STAT5B: variants seen among roughly 807,000 people sequenced by gnomAD.
STAT5B encodes the protein transcription factor STAT5B.
STAT5B carries 21 observed loss-of-function variants against 107.8 expected under a neutral mutation model. That is an observed-to-expected ratio of 0.19 (90% CI 0.14 to 0.28). The LOEUF (loss-of-function observed/expected upper bound fraction) is 0.28, where lower values mean the gene tolerates loss of function less well. Ranked by LOEUF, STAT5B falls within the 10% of genes least tolerant of loss-of-function variation. The pLI is 1.00. For synonymous variants in STAT5B, 325 were observed against 401.7 expected (o/e 0.81, Z 2.28); for missense variants, 565 against 1,008.2 (o/e 0.56, Z 5.95).
intron 16 of STAT5B, among the ~76,000 whole-genome samples, chr17:42,204,096 C>T (rs1264570644): frequency 1.3e-5 from 2 of 152,198 alleles, no homozygotes; most frequent in East Asian, 1.9e-4. Context: ...CTGCACGCTC[C>T]TTCACGCCTG....
chr17:42,227,033 G>A (rs1348511210), intron 3 of STAT5B, among the ~76,000 whole-genome samples: 1 of 150,420 alleles, frequency 6.6e-6, no homozygotes, highest in African/African-American at 2.4e-5. Flanking sequence ...TACTTGAGAG[G>A]CTGAGGCAGA....
rs1274666221 is a variant in STAT5B at position 42,224,814 on chromosome 17, A to G, written c.340T>C (p.Tyr114His). 6.2e-7 allele frequency: 1 copy of G among 1,613,824 alleles called. No individual in the cohort carries two copies. Residue 114 changes from tyrosine to histidine, a missense_variant, in exon 4 of 19, where the codon TAC becomes CAC. Physicochemically the swap from Tyr to His is moderately conservative, Grantham distance 83. Coordinates refer to ENST00000293328, the MANE Select transcript of STAT5B (RefSeq NM_012448.4). ...TCTCGGACCAACCTCTGTTCATTGT[A>G]CAATATATGGCGGATGCAGCGGACC... is the stretch of plus-strand genomic sequence containing the variant. ...ELVRCIRHIL[Y>H]NEQRLVREAN...
chr17:42,258,854 TA>T (rs946059409), intron 1 of STAT5B, among the ~76,000 whole-genome samples: 2 of 152,190 alleles, frequency 1.3e-5, no homozygotes, highest in African/African-American at 2.4e-5. Flanking sequence ...CCACCTCACC[TA>T]GGGGGAACTA....
intron 4 of STAT5B, among the ~76,000 whole-genome samples, chr17:42,224,443 G>C (rs930142903): frequency 6.6e-6 from 1 of 151,718 alleles, no homozygotes; most frequent in Non-Finnish European, 1.5e-5. Context: ...GGGCTCAAGG[G>C]ATCTTCCCAC....
intron 16 of STAT5B, chr17:42,203,101 T>C (rs2080059011): frequency 4.6e-6 from 2 of 436,274 alleles, no homozygotes; most frequent in East Asian, 9.7e-5. Flanking sequence ...CACCACACTT[T>C]GGCTAATTTT....
chr17:42,283,100 C>T, the STAT5B span, among the ~76,000 whole-genome samples: 5 of 152,332 alleles, frequency 3.3e-5, no homozygotes, highest in Non-Finnish European at 5.9e-5. Context: ...TCAGCCCCCT[C>T]GCACACAACC....
At chr17:42,267,433 G>A (rs774871219) in intron 1 of STAT5B, among the ~76,000 whole-genome samples, 16 of 152,316 alleles carry the variant, frequency 1.1e-4, no homozygotes, top group Non-Finnish European at 1.5e-4. Flanking sequence ...TGATACTGAT[G>A]ACCCTGACCC....
chr17:42,275,992 G>A (rs1379349462), intron 1 of STAT5B, among the ~76,000 whole-genome samples: 2 of 151,590 alleles, frequency 1.3e-5, no homozygotes, highest in Non-Finnish European at 3.0e-5. Context: ...TAAAGCGCAC[G>A]CCCCCCGCGG....
the STAT5B span, among the ~76,000 whole-genome samples, chr17:42,286,328 G>C: frequency 2.0e-5 from 3 of 152,026 alleles, no homozygotes; most frequent in African/African-American, 7.2e-5. Flanking sequence ...ATGAGGGATG[G>C]TCAACCAAGG....
chr17:42,283,252 G>C, the STAT5B span, among the ~76,000 whole-genome samples: 1 of 152,102 alleles, frequency 6.6e-6, no homozygotes, highest in Non-Finnish European at 1.5e-5. Context: ...GCTTGACCCA[G>C]GGCTGCCCAG....
intron 8 of STAT5B, 36 bp from the exon 9 acceptor site, chr17:42,218,366 G>A (rs1459413198): frequency 6.2e-7 from 1 of 1,604,046 alleles, no homozygotes; most frequent in Non-Finnish European, 8.5e-7. Flanking sequence ...ATGATGAGGG[G>A]CTGGTGCAGG....
chr17:42,214,197 T>C (rs1313314142), intron 12 of STAT5B: 1 of 983,108 alleles, frequency 1.0e-6, no homozygotes, highest in Non-Finnish European at 1.2e-6. Flanking sequence ...TTAACATAGC[T>C]GAGAATGTTA....
upstream of STAT5B, among the ~76,000 whole-genome samples, chr17:42,277,343 C>G (rs2080774464): frequency 6.6e-6 from 1 of 152,150 alleles, no homozygotes; most frequent in African/African-American, 2.4e-5. Context: ...AGGACCCCTC[C>G]CGCCCCCACT....
At chr17:42,262,865 T>A (rs1354564542) in intron 1 of STAT5B, among the ~76,000 whole-genome samples, 1 of 126,114 alleles carries the variant, frequency 7.9e-6, no homozygotes, top group African/African-American at 2.9e-5. Flanking sequence ...CACACATATA[T>A]GTGTGTGTAT....
At chr17:42,276,444 G>A (rs1400021526), upstream of STAT5B, 3 of 147,582 alleles carry the variant, frequency 2.0e-5, no homozygotes, top group African/African-American at 7.3e-5. The surrounding 1 kb of genome is among the most constrained non-coding windows in gnomAD (Gnocchi z 4.8). Context: ...CACGCGCGGA[G>A]GCCCAGGGAC....
At chr17:42,202,710 G>C (rs1204126845) in intron 17 of STAT5B, 47 bp downstream of exon 17, 2 of 1,612,708 alleles carry the variant, frequency 1.2e-6, no homozygotes. Flanking sequence ...GGGTCTGGGG[G>C]AGGAGGAAAG....
chr17:42,234,149 T>A (rs1251745515), intron 1 of STAT5B: 1 of 152,220 alleles, frequency 6.6e-6, no homozygotes, highest in African/African-American at 2.4e-5. Flanking sequence ...TACCAGAGAC[T>A]GTACAAGTGT....
At chr17:42,226,121 G>C (rs1246876646) in intron 3 of STAT5B, among the ~76,000 whole-genome samples, 2 of 152,052 alleles carry the variant, frequency 1.3e-5, no homozygotes, top group Non-Finnish European at 2.9e-5. Context: ...TTTTAGTAGA[G>C]ATGGGGTTTC....
rs2144232434 is a variant in STAT5B at position 42,214,731 on chromosome 17, C to A, written c.1473+1283G>T. 3 of 859,570 alleles carry A rather than the reference C, an allele frequency of 3.5e-6. No homozygotes were observed. The South Asian group carries it at 1.6e-4, about 46-fold the overall frequency. The allele number at this position is 859,570 out of a possible 1,614,324, so 53.2% of individuals were successfully genotyped here. A position where few individuals can be genotyped will look rare whatever the true frequency, so the allele number is the denominator to read the frequency against. On this transcript the variant is annotated intron_variant, in intron 12 of 18. Transcript: ENST00000293328. ...ACTAATCTCTATTGGAAATATGTAA[C>A]AAATGACCTTTGCCTACTAAAAAAA...
Sources: gnomAD v4.1 joint callset for allele counts (sites outside exome capture counted in the v4.1 genomes callset) on GRCh38, gnomAD v4.1.1 for gene constraint, Gnocchi (gnomAD v3.1) non-coding constraint, MANE v1.5 for transcripts, NCBI Gene and HGNC (gene_info 2026-07-23, HGNC 2026-07-21) for gene names.